Variants in SNRK observed in about 807,000 individuals in gnomAD.
The protein encoded by SNRK is SNF-related serine/threonine-protein kinase.
A neutral mutation model predicts 48.2 loss-of-function variants in SNRK; 3 were observed. That is an observed-to-expected ratio of 0.06 (90% CI 0.03 to 0.16). SNRK has a LOEUF of 0.16. Among genes scored for constraint, SNRK ranks in the 10% least tolerant of loss-of-function variants. SNRK has a pLI of 1.00. For missense variants in SNRK, 627 were observed against 976.0 expected (o/e 0.64, Z 4.76); for synonymous variants, 376 against 366.1 (o/e 1.03, Z -0.31).
intron 3 of SNRK, among the ~76,000 whole-genome samples, chr3:43,313,707 G>A (rs1016728896): frequency 6.6e-6 from 1 of 152,188 alleles, no homozygotes; most frequent in Non-Finnish European, 1.5e-5. Context: ...AATAAGCTCT[G>A]TGGAGTGTAC....
chr3:43,330,458 G>A (rs1291107984), intron 3 of SNRK, among the ~76,000 whole-genome samples: 1 of 152,230 alleles, frequency 6.6e-6, no homozygotes, highest in Non-Finnish European at 1.5e-5. Flanking sequence ...TGGCTTGGGA[G>A]TTGGGACAAG....
intron 3 of SNRK, among the ~76,000 whole-genome samples, chr3:43,305,478 C>T (rs1352259823): frequency 6.9e-6 from 1 of 145,760 alleles, no homozygotes; most frequent in African/African-American, 2.5e-5. Flanking sequence ...CATTTATATA[C>T]AATTTTTTTT....
At chr3:43,344,338 A>C (rs925909360) in intron 6 of SNRK, among the ~76,000 whole-genome samples, 12 of 152,210 alleles carry the variant, frequency 7.9e-5, no homozygotes, top group African/African-American at 2.4e-4. Context: ...TTATGCACTC[A>C]GATAAAGTAA....
At chr3:43,287,366 T>G (rs1397999173) in intron 1 of SNRK, among the ~76,000 whole-genome samples, 1 of 152,170 alleles carries the variant, frequency 6.6e-6, no homozygotes, top group Non-Finnish European at 1.5e-5. Context: ...TTACTTGGAC[T>G]TGGGTTGCAG....
Position 43,347,582 on chromosome 3 carries a change from T to C in SNRK, c.1323T>C (p.Cys441=). Residue 441 remains cysteine (C), a synonymous_variant, in exon 7 of 7, where the codon TGT becomes TGC. Coordinates refer to ENST00000296088, the MANE Select transcript of SNRK (RefSeq NM_017719.5). The surrounding 1 kb of genome is among the most constrained non-coding windows in gnomAD (Gnocchi z 5.4). ...SLKPTASGRK[C]LFRVEEDEEE... ...AACCCACAGCCAGTGGGCGGAAGTGTCTGTTCAGGGTGGAAGAAGATGAAG... is the reference window on the plus strand; with the variant it reads ...AACCCACAGCCAGTGGGCGGAAGTGCCTGTTCAGGGTGGAAGAAGATGAAG... 6.2e-7 allele frequency: 1 copy of C among 1,613,906 alleles called. No individual in the cohort carries two copies. Among genetic ancestry groups the C allele is most frequent in the Non-Finnish European group, 8.5e-7 (1 of 1,179,974 alleles).
Position 43,296,415 on chromosome 3 carries a change from C to CATATATATATATATATACATATAT in SNRK, c.-168-3322_-168-3321insCATATATATATATATATATATATA, listed in dbSNP as rs1553632570. On this transcript the variant is annotated intron_variant, in intron 1 of 6. Transcript: ENST00000296088. ...TGTTTGTATTAGATGGATATACTGG[C>CATATATATATATATATACATATAT]ATATATATATATATATATGTATATA... Among the ~76,000 whole-genome samples, 45 of 127,214 alleles carry CATATATATATATATATACATATAT rather than the reference C, an allele frequency of 3.5e-4. 1 individual carries two copies. The South Asian group carries it at 0.011, about 32-fold the overall frequency. The allele number at this position is 127,214 out of a possible 152,430, so 83.5% of individuals were successfully genotyped here. A position where few individuals can be genotyped will look rare whatever the true frequency, so the allele number is the denominator to read the frequency against.
intron 5 of SNRK, among the ~76,000 whole-genome samples, chr3:43,341,365 A>C (rs1048286776): frequency 3.3e-5 from 5 of 152,080 alleles, no homozygotes; most frequent in East Asian, 1.9e-4. Flanking sequence ...GTTAGCCAGG[A>C]TGGTCTCGAT....
chr3:43,287,479 G>A (rs1476012315), intron 1 of SNRK, among the ~76,000 whole-genome samples: 1 of 152,126 alleles, frequency 6.6e-6, no homozygotes, highest in Admixed American at 6.5e-5. Context: ...CAGGCTTTGG[G>A]GAGAATTTAG....
In SNRK at chr3:43,350,897, C is replaced by G. The variant is rs376241732; in HGVS notation, c.*2340C>G. 1 of 152,536 alleles carries G rather than the reference C, an allele frequency of 6.6e-6. No individual in the cohort carries two copies. The highest frequency in any genetic ancestry group is 2.4e-5 in the African/African-American group (1 of 41,400). The allele number at this position is 152,536 out of a possible 1,614,324, so 9.4% of individuals were successfully genotyped here. A position where few individuals can be genotyped will look rare whatever the true frequency, so the allele number is the denominator to read the frequency against. On this transcript the variant is annotated 3_prime_UTR_variant, in exon 7 of 7. Transcript: ENST00000296088. ...ATATAATTATGTACTTCTGGCAATTCTATCTGTATTTAAAGATGTGACAAT... is the reference window on the plus strand; with the variant it reads ...ATATAATTATGTACTTCTGGCAATTGTATCTGTATTTAAAGATGTGACAAT...
chr3:43,337,123 G>A (rs1364155883), intron 4 of SNRK, among the ~76,000 whole-genome samples: 2 of 151,196 alleles, frequency 1.3e-5, no homozygotes, highest in Admixed American at 1.3e-4. Flanking sequence ...GCCCAGGCTC[G>A]AGTGCAGTGA....
intron 1 of SNRK, among the ~76,000 whole-genome samples, chr3:43,297,041 G>T (rs1386874201): frequency 6.6e-6 from 1 of 152,144 alleles, no homozygotes; most frequent in Non-Finnish European, 1.5e-5. Flanking sequence ...CTAGTTATAT[G>T]CCTGTGCTAA....
At chr3:43,287,048 G>A (rs2090771023) in intron 1 of SNRK, among the ~76,000 whole-genome samples, 2 of 150,608 alleles carry the variant, frequency 1.3e-5, no homozygotes, top group South Asian at 4.1e-4. Flanking sequence ...CGGGCCGAGT[G>A]CGGCGCCCGC....
In SNRK at chr3:43,348,041, C is replaced by T. The variant is rs201259798; in HGVS notation, c.1782C>T (p.Asp594=). The T allele has an allele frequency of 5.0e-5, 80 of 1,607,420 alleles. No individual in the cohort carries two copies. The highest frequency in any genetic ancestry group is 6.5e-5 in the Non-Finnish European group (77 of 1,176,828). ...SKPSNASGGV[D]KASPSENNAG... is the part of the protein sequence containing the mutation. The stretch of plus-strand genomic sequence containing the variant: ...CAAGCAATGCCAGTGGAGGGGTGGA[C>T]AAGGCCAGCCCCAGTGAGAACAATG... Residue 594 remains aspartate, a synonymous_variant, in exon 7 of 7, where the codon GAC becomes GAT. Transcript: ENST00000296088.
chr3:43,291,066 C>T (rs2090808424), intron 1 of SNRK, among the ~76,000 whole-genome samples: 1 of 152,094 alleles, frequency 6.6e-6, no homozygotes, highest in Non-Finnish European at 1.5e-5. Flanking sequence ...AGGAAGTCGT[C>T]CTTTAAGCTG....
intron 4 of SNRK, among the ~76,000 whole-genome samples, chr3:43,339,815 C>CAA (rs1294132303): frequency 2.6e-5 from 2 of 77,936 alleles, no homozygotes; most frequent in Admixed American, 1.6e-4. Flanking sequence ...ACTCCATTTC[C>CAA]AAAATATATA....
At chr3:43,291,063 C>T (rs943695381) in intron 1 of SNRK, among the ~76,000 whole-genome samples, 7 of 152,098 alleles carry the variant, frequency 4.6e-5, no homozygotes, top group African/African-American at 9.7e-5. Context: ...GTCAGGAAGT[C>T]GTCCTTTAAG....
In SNRK at chr3:43,303,290, G is replaced by T; in HGVS notation, c.87G>T (p.Val29=). Residue 29 remains valine (V), a synonymous_variant, in exon 3 of 7, where the codon GTG becomes GTT. Transcript: ENST00000296088. The surrounding 1 kb of genome is among the most constrained non-coding windows in gnomAD (Gnocchi z 6.2). ...CCTTGGGTCGAGGCCATTTTGCCGT[G>T]GTTAAACTTGCCAGGCATGTCTTTA... ...DKTLGRGHFA[V]VKLARHVFTG... 1 of 1,614,114 alleles carries T rather than the reference G, an allele frequency of 6.2e-7. No individual in the cohort carries two copies. Among genetic ancestry groups the T allele is most frequent in the Non-Finnish European group, 8.5e-7 (1 of 1,180,022 alleles).
At chr3:43,333,554 A>C (rs1054728432) in intron 4 of SNRK, among the ~76,000 whole-genome samples, 46 of 152,134 alleles carry the variant, frequency 3.0e-4, no homozygotes, top group African/African-American at 9.9e-4. Context: ...AATATTGATG[A>C]TGATTATTTT....
chr3:43,294,694 G>A (rs1016112530), intron 1 of SNRK, among the ~76,000 whole-genome samples: 9 of 151,238 alleles, frequency 6.0e-5, no homozygotes, highest in East Asian at 3.9e-4. Flanking sequence ...TCAGTGAAAT[G>A]TTAGGTGCCA....
Sources: gnomAD v4.1 joint callset for allele counts (sites outside exome capture counted in the v4.1 genomes callset) on GRCh38, gnomAD v4.1.1 for gene constraint, Gnocchi (gnomAD v3.1) non-coding constraint, MANE v1.5 for transcripts, NCBI Gene and HGNC (gene_info 2026-07-23, HGNC 2026-07-21) for gene names.